Variants in COL21A1 observed in about 807,000 individuals in gnomAD.
The protein encoded by COL21A1 is collagen type XXI alpha 1 chain.
In COL21A1, 149 loss-of-function variants were observed where a neutral mutation model predicts 137.9. The observed-to-expected ratio is 1.08, with a 90% CI of 0.95 to 1.24. The LOEUF (loss-of-function observed/expected upper bound fraction) is 1.24. Among genes scored for constraint, COL21A1 ranks in the 50% most tolerant of loss-of-function variants. The pLI, the probability that COL21A1 is intolerant of heterozygous loss-of-function variation, is 0.00. For synonymous variants in COL21A1, 456 were observed against 391.5 expected (o/e 1.16, Z -1.95); for missense variants, 1,167 against 1,158.4 (o/e 1.01, Z -0.11).
intron 1 of COL21A1, among the ~76,000 whole-genome samples, chr6:56,267,454 C>T (rs1302693577): frequency 6.6e-6 from 1 of 152,156 alleles, no homozygotes; most frequent in East Asian, 1.9e-4. Flanking sequence ...TCCCCAAACA[C>T]AGTTTAGAAG....
rs559858473 is a variant in COL21A1 at position 56,281,520 on chromosome 6, A to G, written c.-38-98864T>C. Among the ~76,000 whole-genome samples, 33 of 152,294 alleles carry G rather than the reference A, an allele frequency of 2.2e-4. No homozygotes were observed. The South Asian group carries it at 5.6e-3, about 26-fold the overall frequency. On this transcript the variant is annotated intron_variant, in intron 1 of 28. Transcript: ENST00000370819. ...TCCATGAGATTTAGATGCCAAGAAT[A>G]CTTCCAGAATTTTATAATTTTACTT...
intron 17 of COL21A1, among the ~76,000 whole-genome samples, chr6:56,093,261 C>T (rs1251320734): frequency 6.6e-6 from 1 of 152,134 alleles, no homozygotes; most frequent in Admixed American, 6.6e-5. Flanking sequence ...ATTCATCCCA[C>T]ATACAGTATA....
At chr6:56,076,940 A>G (rs1429449430) in intron 18 of COL21A1, among the ~76,000 whole-genome samples, 3 of 151,370 alleles carry the variant, frequency 2.0e-5, no homozygotes, top group African/African-American at 7.3e-5. Flanking sequence ...GTGAATTTGA[A>G]GAACACTAAA....
intron 1 of COL21A1, among the ~76,000 whole-genome samples, chr6:56,383,816 C>A (rs576887247): frequency 1.4e-4 from 22 of 152,198 alleles, no homozygotes; most frequent in South Asian, 6.2e-4. Flanking sequence ...TTTAAAAAAA[C>A]CAAAATGTGA....
intron 1 of COL21A1, among the ~76,000 whole-genome samples, chr6:56,379,980 G>A (rs74637868): frequency 0.057 from 8,747 of 152,146 alleles, 306 homozygotes; most frequent in Non-Finnish European, 0.074. Context: ...TATACTTTGA[G>A]TGTTTGTCCC....
chr6:56,331,663 G>A (rs1389616466), intron 1 of COL21A1: 2 of 152,012 alleles, frequency 1.3e-5, no homozygotes, highest in Non-Finnish European at 2.9e-5. Flanking sequence ...CAGTACCCAT[G>A]CTGTTTTGGT....
intron 1 of COL21A1, among the ~76,000 whole-genome samples, chr6:56,236,392 G>A (rs1781899862): frequency 6.6e-6 from 1 of 151,980 alleles, no homozygotes; most frequent in African/African-American, 2.4e-5. Flanking sequence ...GGAGGTGTTT[G>A]GTATTGGAAA....
chr6:56,387,296 G>T (rs1393221501), intron 1 of COL21A1, among the ~76,000 whole-genome samples: 1 of 152,140 alleles, frequency 6.6e-6, no homozygotes, highest in Non-Finnish European at 1.5e-5. Flanking sequence ...GATTTATCAT[G>T]CTGTTTGGGA....
chr6:56,156,075 A>G (rs1775721954), intron 10 of COL21A1, among the ~76,000 whole-genome samples: 1 of 152,264 alleles, frequency 6.6e-6, no homozygotes, highest in Non-Finnish European at 1.5e-5. Flanking sequence ...CCCAGTGTAT[A>G]CATTATTAGG....
intron 1 of COL21A1, among the ~76,000 whole-genome samples, chr6:56,195,328 G>T (rs944052292): frequency 6.6e-6 from 1 of 152,026 alleles, no homozygotes; most frequent in African/African-American, 2.4e-5. Flanking sequence ...GTCTTTGGTT[G>T]TTCTTTTCCC....
intron 1 of COL21A1, among the ~76,000 whole-genome samples, chr6:56,347,415 C>G (rs951896136): frequency 2.0e-5 from 3 of 150,872 alleles, no homozygotes; most frequent in Admixed American, 6.7e-5. Flanking sequence ...TTCCTGCATG[C>G]AATGGGTCTT....
At chr6:56,160,393 G>A (rs1014160518) in intron 9 of COL21A1, among the ~76,000 whole-genome samples, 1 of 152,184 alleles carries the variant, frequency 6.6e-6, no homozygotes, top group Non-Finnish European at 1.5e-5. Context: ...AGCAGTGATA[G>A]AGATGGGATT....
rs368852095 is a variant in COL21A1 at position 56,166,965 on chromosome 6, G to T, written c.1219C>A (p.Arg407=). 14 of 1,611,400 alleles carry T rather than the reference G, an allele frequency of 8.7e-6. No individual in the cohort carries two copies. In the African/African-American group the frequency reaches 1.3e-4, roughly 15 times the overall value. Residue 407 remains arginine (R), a synonymous_variant, in exon 7 of 30, where the codon CGA becomes AGA. Transcript: ENST00000244728. ...ETVQFDVQKL[R]IYCDPEQNNR... ...TTCTGTTCTGGGTCACAGTAGATTC[G>T]CAACTTTTGGACATCAAACTAAGAA...
chr6:56,170,689 T>G lies in COL21A1; in HGVS notation c.986A>C (p.Asn329Thr), dbSNP rs775869347. ...AGCAAAGGTAACCACTTGTGAGCCATTAATTACGCTGGTTGTTGTAAATAA... is the reference window on the plus strand; with the variant it reads ...AGCAAAGGTAACCACTTGTGAGCCAGTAATTACGCTGGTTGTTGTAAATAA... ...ILLFTTTSVI[N>T]GSQVVTFANP... is the part of the protein sequence containing the mutation. Residue 329 changes from asparagine to threonine, a missense_variant, in exon 5 of 30, where the codon AAT becomes ACT. Transcript: ENST00000244728. 6.2e-7 allele frequency: 1 copy of G among 1,603,752 alleles called. No individual in the cohort carries two copies. The highest frequency in any genetic ancestry group is 8.5e-7 in the Non-Finnish European group (1 of 1,173,856).
At chr6:56,273,647 G>A (rs899356023) in intron 1 of COL21A1, among the ~76,000 whole-genome samples, 14 of 152,098 alleles carry the variant, frequency 9.2e-5, no homozygotes, top group Non-Finnish European at 1.9e-4. Flanking sequence ...ATTCCCAGAA[G>A]AATACAACCT....
At chr6:56,259,562 A>G (rs533059041) in intron 1 of COL21A1, among the ~76,000 whole-genome samples, 10 of 152,364 alleles carry the variant, frequency 6.6e-5, no homozygotes, top group South Asian at 2.1e-4. Context: ...CTGCAAAAAC[A>G]TATGTATCCA....
intron 1 of COL21A1, among the ~76,000 whole-genome samples, chr6:56,215,510 T>C (rs1217034884): frequency 1.3e-5 from 2 of 152,064 alleles, no homozygotes; most frequent in Non-Finnish European, 2.9e-5. Context: ...TACTAGAAAC[T>C]ATGGCATAGT....
chr6:56,164,979 C>A (rs1776461696), intron 7 of COL21A1, among the ~76,000 whole-genome samples, 157 bp from the exon 8 acceptor site: 1 of 152,110 alleles, frequency 6.6e-6, no homozygotes. Flanking sequence ...CCTAAAAAGT[C>A]ACCTATCTAT....
chr6:56,329,728 A>C (rs1441377448), intron 1 of COL21A1, among the ~76,000 whole-genome samples: 1 of 152,084 alleles, frequency 6.6e-6, no homozygotes, highest in African/African-American at 2.4e-5. Context: ...GGTTCAAAAA[A>C]GTCCCCTAGG....
Sources: allele counts gnomAD v4.1 joint callset (sites outside exome capture counted in the v4.1 genomes callset), GRCh38; gene constraint gnomAD v4.1.1; transcripts MANE v1.5; gene names NCBI Gene and HGNC (gene_info 2026-07-23, HGNC 2026-07-21).